CTNNA3: variants seen among roughly 807,000 people sequenced by gnomAD.
The protein encoded by CTNNA3 is catenin alpha-3.
Under a neutral mutation model 95.7 loss-of-function variants are expected in CTNNA3, and 76 were observed. The observed-to-expected ratio is 0.79, with a 90% CI of 0.66 to 0.96. The LOEUF (loss-of-function observed/expected upper bound fraction) is 0.96. CTNNA3 is among the 40% of genes least tolerant of loss of function. The pLI, the probability that CTNNA3 is intolerant of heterozygous loss-of-function variation, is 0.00. For missense variants in CTNNA3, 1,191 were observed against 1,089.8 expected (o/e 1.09, Z -1.31); for synonymous variants, 431 against 374.4 (o/e 1.15, Z -1.74).
intron 13 of CTNNA3, among the ~76,000 whole-genome samples, chr10:66,265,055 C>T (rs2091115041): frequency 6.6e-6 from 1 of 152,026 alleles, no homozygotes; most frequent in Admixed American, 6.6e-5. Context: ...GTCCACTCAT[C>T]CAAATCTACT....
chr10:66,344,519 G>C (rs188348377), intron 12 of CTNNA3, among the ~76,000 whole-genome samples: 1 of 151,948 alleles, frequency 6.6e-6, no homozygotes, highest in African/African-American at 2.4e-5. Flanking sequence ...CGTCGGCTTT[G>C]GCCAACCAAA....
chr10:67,720,654 C>A (rs1015613560), intron 1 of CTNNA3, among the ~76,000 whole-genome samples: 41 of 152,072 alleles, frequency 2.7e-4, no homozygotes, highest in Admixed American at 2.7e-3. Flanking sequence ...GTTGAAAATT[C>A]TTTTCTTTAA....
At chr10:66,643,671 T>C (rs569045791) in intron 9 of CTNNA3, among the ~76,000 whole-genome samples, 1 of 152,298 alleles carries the variant, frequency 6.6e-6, no homozygotes, top group African/African-American at 2.4e-5. Flanking sequence ...AACTACTTTA[T>C]TCTAAGCTTT....
intron 5 of CTNNA3, among the ~76,000 whole-genome samples, chr10:67,273,322 C>G (rs1839060660): frequency 6.6e-6 from 1 of 152,072 alleles, no homozygotes; most frequent in African/African-American, 2.4e-5. Flanking sequence ...TTAACAGACA[C>G]TTACAAAGAA....
chr10:67,377,503 C>T (rs760715776), intron 5 of CTNNA3, among the ~76,000 whole-genome samples: 1 of 152,146 alleles, frequency 6.6e-6, no homozygotes, highest in Non-Finnish European at 1.5e-5. Context: ...TTTACACTAA[C>T]ATTCAACGAC....
intron 7 of CTNNA3, among the ~76,000 whole-genome samples, chr10:67,175,304 T>C (rs569679264): frequency 1.3e-5 from 2 of 152,196 alleles, no homozygotes; most frequent in South Asian, 2.1e-4. Flanking sequence ...AATAAATTAA[T>C]TAATTAAGGC....
chr10:66,002,856 T>C lies in CTNNA3; in HGVS notation c.2160-14059A>G, dbSNP rs1010669710. On this transcript the variant is annotated intron_variant, in intron 15 of 17. Transcript: ENST00000433211. ...GCAAAGAAAGCTGGGAAATGTATTC[T>C]ATTCCGTTCGGGAAAGAAAAGAAAA... Among the ~76,000 whole-genome samples the C allele has an allele frequency of 2.0e-5, 3 of 152,250 alleles. No homozygotes were observed. The East Asian group carries it at 5.8e-4, about 29-fold the overall frequency.
intron 1 of CTNNA3, among the ~76,000 whole-genome samples, chr10:67,728,617 G>T (rs919648351): frequency 2.0e-5 from 3 of 151,408 alleles, no homozygotes; most frequent in Non-Finnish European, 4.4e-5. Context: ...AGAACCACTG[G>T]TCTAAATAAT....
At chr10:65,995,585 G>A (rs910476846) in intron 15 of CTNNA3, among the ~76,000 whole-genome samples, 3 of 152,198 alleles carry the variant, frequency 2.0e-5, no homozygotes, top group East Asian at 3.9e-4. Flanking sequence ...GCATGGGCAC[G>A]AATGTAATTA....
At chr10:66,450,799 A>G (rs191719078) in intron 11 of CTNNA3, among the ~76,000 whole-genome samples, 161 of 152,236 alleles carry the variant, frequency 1.1e-3, no homozygotes, top group African/African-American at 3.7e-3. Context: ...TTTCAAGTAA[A>G]TGTTGCTGAA....
intron 12 of CTNNA3, among the ~76,000 whole-genome samples, chr10:66,354,385 A>C (rs1233524554): frequency 6.6e-6 from 1 of 151,964 alleles, no homozygotes; most frequent in Non-Finnish European, 1.5e-5. Flanking sequence ...TTGAAACAAC[A>C]TCAAGGTATC....
In CTNNA3 at chr10:67,529,645, TAATAC is replaced by T. The variant is rs1840260705; in HGVS notation, c.460-7689_460-7685del. ...TACCCTAAAACTTAAAGTATAATAA[TAATAC>T]AATAAATAAAATAAAATAAAATAAA... On this transcript the variant is annotated intron_variant, in intron 4 of 17. Coordinates refer to ENST00000433211, the MANE Select transcript of CTNNA3 (RefSeq NM_013266.4). Among the ~76,000 whole-genome samples, 4 of 149,860 alleles carry T rather than the reference TAATAC, an allele frequency of 2.7e-5. No individual in the cohort carries two copies. In the South Asian group the frequency reaches 8.4e-4, roughly 31 times the overall value.
At position 66,005,040 on chromosome 10, in the gene CTNNA3, A is replaced by G. The variant is rs537039567; in HGVS notation, c.2160-16243T>C. ...TGAGAGGAGAATCCATTCTCTCACC[A>G]TTTTCAGCTTCTAGAAGCTGCCTGT... On this transcript the variant is annotated intron_variant, in intron 15 of 17. Coordinates refer to ENST00000433211, the MANE Select transcript of CTNNA3 (RefSeq NM_013266.4). Among the ~76,000 whole-genome samples the G allele has an allele frequency of 3.9e-5, 6 of 152,196 alleles. No homozygotes were observed. In the East Asian group the frequency reaches 9.7e-4, roughly 24 times the overall value.
At chr10:67,081,288 G>A (rs1857045755) in intron 7 of CTNNA3, among the ~76,000 whole-genome samples, 3 of 152,198 alleles carry the variant, frequency 2.0e-5, no homozygotes. Flanking sequence ...ACAGTGATAT[G>A]AGAGTGACAA....
chr10:67,347,797 T>C (rs1026558096), intron 5 of CTNNA3, among the ~76,000 whole-genome samples: 14 of 143,184 alleles, frequency 9.8e-5, no homozygotes, highest in African/African-American at 3.6e-4. Context: ...ATTTATATGA[T>C]GCATCAGATA....
chr10:67,088,177 GTC>G (rs1459322614), intron 7 of CTNNA3, among the ~76,000 whole-genome samples: 2 of 151,204 alleles, frequency 1.3e-5, no homozygotes, highest in African/African-American at 4.8e-5. Flanking sequence ...GGAATCCTCT[GTC>G]TTCTGCTTGC....
At chr10:67,142,416 T>C (rs1860611396) in intron 7 of CTNNA3, among the ~76,000 whole-genome samples, 1 of 152,118 alleles carries the variant, frequency 6.6e-6, no homozygotes, top group South Asian at 2.1e-4. Flanking sequence ...TTTTTTCCTA[T>C]TACAATGAGT....
chr10:66,408,890 G>T (rs1265433159), intron 11 of CTNNA3, among the ~76,000 whole-genome samples: 1 of 152,102 alleles, frequency 6.6e-6, no homozygotes, highest in Non-Finnish European at 1.5e-5. Flanking sequence ...TATATGAGCA[G>T]GCCACAACCA....
intron 7 of CTNNA3, among the ~76,000 whole-genome samples, chr10:67,044,270 C>A (rs1308521229): frequency 6.6e-6 from 1 of 152,110 alleles, no homozygotes; most frequent in South Asian, 2.1e-4. Context: ...TTGATTATAG[C>A]CTAATCCAAA....
Sources: gnomAD v4.1 joint callset for allele counts (sites outside exome capture counted in the v4.1 genomes callset) on GRCh38, gnomAD v4.1.1 for gene constraint, MANE v1.5 for transcripts, NCBI Gene and HGNC (gene_info 2026-07-23, HGNC 2026-07-21) for gene names.